The following CPLX2 variants were observed in gnomAD, a reference collection of about 807,000 sequenced individuals.
CPLX2 encodes complexin 2.
CPLX2 carries 5 observed loss-of-function variants against 16.3 expected under a neutral mutation model. The observed-to-expected ratio is 0.31, with a 90% CI of 0.16 to 0.64. The LOEUF (loss-of-function observed/expected upper bound fraction) is 0.64, where lower values mean the gene tolerates loss of function less well. CPLX2 is among the 30% of genes least tolerant of loss of function. CPLX2 has a pLI of 0.79. For synonymous variants in CPLX2, 89 were observed against 73.2 expected (o/e 1.22, Z -1.10); for missense variants, 144 against 181.4 (o/e 0.79, Z 1.18).
chr5:175,880,757 C>T lies in CPLX2; in HGVS notation c.*712C>T, dbSNP rs1302894800. ...AGGGACGCCCCTTGTTCCTCACCCC[C>T]ACCCCACTTAGGTCCTGGGCCCCCA... On this transcript the variant is annotated 3_prime_UTR_variant, in exon 4 of 4. Coordinates refer to ENST00000393745, the MANE Select transcript of CPLX2 (RefSeq NM_001008220.2). 6.5e-6 allele frequency: 1 copy of T among 153,130 alleles called. No homozygotes were observed. The highest frequency in any genetic ancestry group is 1.5e-5 in the Non-Finnish European group (1 of 68,454). 9.5% of individuals were successfully genotyped at this position (153,130 alleles called of 1,614,324 possible). A position where few individuals can be genotyped will look rare whatever the true frequency, so the allele number is the denominator to read the frequency against.
intron 2 of CPLX2, among the ~76,000 whole-genome samples, chr5:175,862,944 G>A (rs745937503): frequency 6.6e-5 from 10 of 152,320 alleles, no homozygotes; most frequent in African/African-American, 1.9e-4. Context: ...TGACTACGGC[G>A]TGTTTTAAGG....
chr5:175,820,791 G>A (rs1289622016), intron 2 of CPLX2, among the ~76,000 whole-genome samples: 1 of 152,142 alleles, frequency 6.6e-6, no homozygotes, highest in Non-Finnish European at 1.5e-5. Context: ...CTCCCTTCAT[G>A]GAGTTTCCTC....
intron 2 of CPLX2, 35 bp from the exon 3 acceptor site, chr5:175,878,873 G>T (rs780237373): frequency 6.2e-7 from 1 of 1,608,966 alleles, no homozygotes; most frequent in South Asian, 1.1e-5. Context: ...ACCCCTAGCT[G>T]ACCCCGCCCT....
chr5:175,860,497 GAAAAGAAAGAAAGAAAGAA>G (rs1383931891), intron 2 of CPLX2, among the ~76,000 whole-genome samples: 25 of 54,652 alleles, frequency 4.6e-4, no homozygotes, highest in African/African-American at 2.0e-3. Context: ...AAGAAAGAAA[GAAAAGAAAGAAAGAAAGAA>G]AAAGAAAGAA....
intron 2 of CPLX2, among the ~76,000 whole-genome samples, chr5:175,820,478 T>C (rs1170846030): frequency 6.6e-6 from 1 of 152,146 alleles, no homozygotes; most frequent in Non-Finnish European, 1.5e-5. Context: ...AGGCATGGCA[T>C]TCCCTCCCGC....
chr5:175,879,097 G>A lies in CPLX2; in HGVS notation c.207+14G>A, dbSNP rs577502502. 5 of 1,553,804 alleles carry A rather than the reference G, an allele frequency of 3.2e-6. No individual in the cohort carries two copies. In the East Asian group the frequency reaches 9.6e-5, roughly 30 times the overall value. Reference sequence around the variant, plus strand: ...ATCCGAGATAAGGTCAGCTCCGCCCGCCCGCCCGTCCTGGGGAGGGCCACA... The same window carrying A: ...ATCCGAGATAAGGTCAGCTCCGCCCACCCGCCCGTCCTGGGGAGGGCCACA... On this transcript the variant is annotated intron_variant, in intron 3 of 3. Coordinates refer to ENST00000393745, the MANE Select transcript of CPLX2 (RefSeq NM_001008220.2).
At chr5:175,798,857 T>A (rs1334385504) in intron 1 of CPLX2, among the ~76,000 whole-genome samples, 1 of 152,134 alleles carries the variant, frequency 6.6e-6, no homozygotes, top group Non-Finnish European at 1.5e-5. Context: ...CACACTGACT[T>A]ATTTGGAAGC....
At position 175,879,071 on chromosome 5, in the gene CPLX2, G is replaced by A. The variant is rs376386630; in HGVS notation, c.195G>A (p.Gln65=). The change falls in exon 3 of 4, where the codon CAG becomes CAA. Residue 65 remains glutamine (Q), a synonymous_variant. Coordinates refer to ENST00000393745, the MANE Select transcript of CPLX2 (RefSeq NM_001008220.2). ...MEAEREKVRQ[Q]IRDKYGLKKK... The stretch of plus-strand genomic sequence containing the variant: ...CGGAGCGGGAGAAGGTCCGGCAGCA[G>A]ATCCGAGATAAGGTCAGCTCCGCCC... 3.2e-5 allele frequency: 50 copies of A among 1,575,448 alleles called. No individual in the cohort carries two copies. The African/African-American group carries it at 6.2e-4, about 20-fold the overall frequency.
upstream of CPLX2, chr5:175,871,455 G>GAA (rs1561790425): frequency 5.7e-5 from 8 of 140,190 alleles, no homozygotes; most frequent in East Asian, 6.4e-4. Flanking sequence ...GAGAGAGAGA[G>GAA]AGAGAGAGAG....
intron 3 of CPLX2, 53 bp downstream of exon 3, chr5:175,879,136 G>A (rs1304970205): frequency 1.3e-6 from 2 of 1,516,526 alleles, no homozygotes; most frequent in Non-Finnish European, 8.9e-7. Flanking sequence ...GGGTAAAACC[G>A]GTCCAGCTAA....
intron 1 of CPLX2, among the ~76,000 whole-genome samples, chr5:175,877,216 T>C (rs1424763359): frequency 7.0e-6 from 1 of 143,710 alleles, no homozygotes; most frequent in Non-Finnish European, 1.5e-5. Context: ...CTGTTTTGTG[T>C]TTTGCTTTTT....
chr5:175,835,707 A>G (rs377260224), intron 2 of CPLX2, among the ~76,000 whole-genome samples: 1 of 35,504 alleles, frequency 2.8e-5, no homozygotes, highest in Non-Finnish European at 6.3e-5. Flanking sequence ...AGTGGTTTTT[A>G]TTTATTTATT....
intron 1 of CPLX2, among the ~76,000 whole-genome samples, chr5:175,806,739 T>A (rs1054125251): frequency 5.9e-5 from 9 of 151,804 alleles, no homozygotes; most frequent in African/African-American, 1.7e-4. Flanking sequence ...CCTCAGGCGA[T>A]CCATCACCTC....
upstream of CPLX2, among the ~76,000 whole-genome samples, chr5:175,867,199 TCA>T (rs1011774896): frequency 1.3e-5 from 2 of 152,104 alleles, no homozygotes; most frequent in Non-Finnish European, 2.9e-5. Flanking sequence ...GAGGGGTCAG[TCA>T]CTATCTGTGA....
intron 2 of CPLX2, among the ~76,000 whole-genome samples, chr5:175,862,380 G>T (rs549068049): frequency 6.6e-6 from 1 of 152,340 alleles, no homozygotes; most frequent in South Asian, 2.1e-4. Flanking sequence ...TCCCAAATTA[G>T]ATTTTTTTTA....
intron 1 of CPLX2, among the ~76,000 whole-genome samples, chr5:175,798,986 A>G (rs1758040074): frequency 1.3e-5 from 2 of 152,244 alleles, no homozygotes; most frequent in Admixed American, 6.5e-5. Context: ...TTCTACCTCA[A>G]TTCATTCTGA....
At position 175,881,931 on chromosome 5, in the gene CPLX2, A is replaced by T. The variant is rs1009920635; in HGVS notation, c.*1886A>T. The T allele has an allele frequency of 2.0e-5, 3 of 152,706 alleles. No individual in the cohort carries two copies. The highest frequency in any genetic ancestry group is 4.8e-5 in the African/African-American group (2 of 41,466). 9.5% of individuals were successfully genotyped at this position (152,706 alleles called of 1,614,324 possible). On this transcript the variant is annotated 3_prime_UTR_variant, in exon 4 of 4. Transcript: ENST00000393745. The stretch of plus-strand genomic sequence containing the variant: ...TTTTAGTGGGTTCTGCTTTTATTTC[A>T]GAGACAGACATGTGTCTTCTCTGTC...
At chr5:175,797,080 C>T (rs1307177448) in intron 1 of CPLX2, among the ~76,000 whole-genome samples, 2 of 152,204 alleles carry the variant, frequency 1.3e-5, no homozygotes, top group African/African-American at 4.8e-5. Flanking sequence ...CTCCTCCGCA[C>T]CCTCCGCCCT....
At chr5:175,844,827 G>C (rs1434259752) in intron 2 of CPLX2, among the ~76,000 whole-genome samples, 1 of 152,244 alleles carries the variant, frequency 6.6e-6, no homozygotes, top group African/African-American at 2.4e-5. Flanking sequence ...GTAGGACATT[G>C]TGAGGACGAC....
Sources: allele counts gnomAD v4.1 joint callset (sites outside exome capture counted in the v4.1 genomes callset), GRCh38; gene constraint gnomAD v4.1.1; transcripts MANE v1.5; gene names NCBI Gene and HGNC (gene_info 2026-07-23, HGNC 2026-07-21).